DEFB118: variants seen among roughly 807,000 people sequenced by gnomAD.
DEFB118 encodes the protein defensin, beta 18.
A neutral mutation model predicts 2.8 loss-of-function variants in DEFB118; 3 were observed. The observed-to-expected ratio is 1.09, with a 90% CI of 0.50 to 2.82. The LOEUF is 2.82. Among genes scored for constraint, DEFB118 ranks in the 30% most tolerant of loss-of-function variants. The pLI is 0.04. For synonymous variants in DEFB118, 63 were observed against 53.5 expected (o/e 1.18, Z -0.78); for missense variants, 159 against 144.6 (o/e 1.10, Z -0.51).
intron 1 of DEFB118, among the ~76,000 whole-genome samples, chr20:31,371,325 C>G (rs934872897): frequency 7.2e-5 from 11 of 152,116 alleles, no homozygotes; most frequent in Non-Finnish European, 1.5e-4. Flanking sequence ...CACTATTTCC[C>G]TTCTAATCAC....
Position 31,373,276 on chromosome 20 carries a change from T to G in DEFB118, c.*106T>G. The G allele has an allele frequency of 2.1e-6, 2 of 972,466 alleles. No homozygotes were observed. Among genetic ancestry groups the G allele is most frequent in the Admixed American group, 2.8e-5 (1 of 36,064 alleles). The allele number at this position is 972,466 out of a possible 1,614,324, so 60.2% of individuals were successfully genotyped here. A position where few individuals can be genotyped will look rare whatever the true frequency, so the allele number is the denominator to read the frequency against. The stretch of plus-strand genomic sequence containing the variant: ...GTGACCCTCCCACCCCCCACCAATA[T>G]GTAATTCTATTAATAGAAACAGCTG... On this transcript the variant is annotated 3_prime_UTR_variant, in exon 2 of 2. Transcript: ENST00000253381.
In DEFB118 at chr20:31,372,747, A is replaced by G. The variant is rs1403860028; in HGVS notation, c.59-110A>G. 14 of 834,836 alleles carry G rather than the reference A, an allele frequency of 1.7e-5. No individual in the cohort carries two copies. The East Asian group carries it at 3.7e-4, about 22-fold the overall frequency. The allele number at this position is 834,836 out of a possible 1,614,324, so 51.7% of individuals were successfully genotyped here. A position where few individuals can be genotyped will look rare whatever the true frequency, so the allele number is the denominator to read the frequency against. ...CTGAGGTGGGAGTCTTGCAGCTGTC[A>G]TCTAATTATGATCCACAGTGTGGAT... On this transcript the variant is annotated intron_variant, in intron 1 of 1. Coordinates refer to ENST00000253381, the MANE Select transcript of DEFB118 (RefSeq NM_054112.3).
In DEFB118 at chr20:31,373,405, AT is replaced by A. The variant is rs1305724871; in HGVS notation, c.*238del. The A allele has an allele frequency of 2.1e-5, 11 of 530,104 alleles. No individual in the cohort carries two copies. The highest frequency in any genetic ancestry group is 1.9e-5 in the African/African-American group (1 of 53,072). The allele number at this position is 530,104 out of a possible 1,614,324, so 32.8% of individuals were successfully genotyped here. A position where few individuals can be genotyped will look rare whatever the true frequency, so the allele number is the denominator to read the frequency against. On this transcript the variant is annotated 3_prime_UTR_variant, in exon 2 of 2. Transcript: ENST00000253381. ...CAACAAGTTATAACCTATTTTTAGT[AT>A]TTCTTGTTTGCTAGTGACCTATGCA... is the stretch of plus-strand genomic sequence containing the variant.
Position 31,369,056 on chromosome 20 carries a change from C to T in DEFB118, c.58+348C>T, listed in dbSNP as rs1217615564. The stretch of plus-strand genomic sequence containing the variant: ...CTTGGCCCTAAAAGTCCTGCTATAG[C>T]TATAATGAGGTTCTTTTTGTTTTCT... On this transcript the variant is annotated intron_variant, in intron 1 of 1. Transcript: ENST00000253381. Among the ~76,000 whole-genome samples the T allele has an allele frequency of 3.3e-5, 5 of 152,316 alleles. No homozygotes were observed. In the South Asian group the frequency reaches 1.0e-3, roughly 32 times the overall value.
In DEFB118 at chr20:31,373,297, A is replaced by C. The variant is rs1280538660; in HGVS notation, c.*127A>C. ...AATATGTAATTCTATTAATAGAAACAGCTGTGTAAAGAAGTCTAAAATTTT... is the reference window on the plus strand; with the variant it reads ...AATATGTAATTCTATTAATAGAAACCGCTGTGTAAAGAAGTCTAAAATTTT... On this transcript the variant is annotated 3_prime_UTR_variant, in exon 2 of 2. Transcript: ENST00000253381. The C allele has an allele frequency of 2.4e-6, 2 of 826,146 alleles. No homozygotes were observed. The highest frequency in any genetic ancestry group is 3.5e-5 in the African/African-American group (2 of 57,942). The allele number at this position is 826,146 out of a possible 1,614,324, so 51.2% of individuals were successfully genotyped here. A position where few individuals can be genotyped will look rare whatever the true frequency, so the allele number is the denominator to read the frequency against.
Position 31,373,261 on chromosome 20 carries a change from C to A in DEFB118, c.*91C>A, listed in dbSNP as rs992204363. On this transcript the variant is annotated 3_prime_UTR_variant, in exon 2 of 2. Transcript: ENST00000253381. ...ACTGAAAACACCACAGTGACCCTCC[C>A]ACCCCCCACCAATATGTAATTCTAT... 1.6e-5 allele frequency: 18 copies of A among 1,108,034 alleles called. No individual in the cohort carries two copies. Among genetic ancestry groups the A allele is most frequent in the African/African-American group, 1.4e-4 (9 of 63,804 alleles). 68.6% of individuals were successfully genotyped at this position (1,108,034 alleles called of 1,614,324 possible).
chr20:31,373,477 G>T lies in DEFB118; in HGVS notation c.*307G>T, dbSNP rs758742517. On this transcript the variant is annotated 3_prime_UTR_variant, in exon 2 of 2. Transcript: ENST00000253381. ...GCTATTCCAACAACAATTTCTTCAT[G>T]TATCGTTCTGTCTTCTCAACAGCTG... is the stretch of plus-strand genomic sequence containing the variant. 6 of 338,148 alleles carry T rather than the reference G, an allele frequency of 1.8e-5. No homozygotes were observed. The highest frequency in any genetic ancestry group is 3.2e-5 in the Non-Finnish European group (6 of 184,646). The allele number at this position is 338,148 out of a possible 1,614,324, so 20.9% of individuals were successfully genotyped here. A position where few individuals can be genotyped will look rare whatever the true frequency, so the allele number is the denominator to read the frequency against.
In DEFB118 at chr20:31,373,826, C is replaced by T. The variant is rs1317647205; in HGVS notation, c.*656C>T. The T allele has an allele frequency of 6.6e-6, 1 of 151,494 alleles. No homozygotes were observed. Among genetic ancestry groups the T allele is most frequent in the African/African-American group, 2.4e-5 (1 of 41,180 alleles). 9.4% of individuals were successfully genotyped at this position (151,494 alleles called of 1,614,324 possible). A position where few individuals can be genotyped will look rare whatever the true frequency, so the allele number is the denominator to read the frequency against. ...TGGACATCCAAGGGTAATCATGGAC[C>T]CCCAATTGTGGGTGAAAGGATGGAT... On this transcript the variant is annotated 3_prime_UTR_variant, in exon 2 of 2. Coordinates refer to ENST00000253381, the MANE Select transcript of DEFB118 (RefSeq NM_054112.3).
At position 31,372,963 on chromosome 20, in the gene DEFB118, C is replaced by CAT; in HGVS notation, c.166_167dup (p.Pro57PhefsTer18). 6.2e-7 allele frequency: 1 copy of CAT among 1,614,184 alleles called. No homozygotes were observed. The highest frequency in any genetic ancestry group is 1.7e-5 in the Admixed American group (1 of 60,024). On this transcript the variant is annotated frameshift_variant, in exon 2 of 2. Coordinates refer to ENST00000253381, the MANE Select transcript of DEFB118 (RefSeq NM_054112.3). LOFTEE classifies it low-confidence loss of function (END_TRUNC). The stretch of plus-strand genomic sequence containing the variant: ...CATGCAAAAATCTTCGAGCTTGCTG[C>CAT]ATTCCATCCAATGAAGACCACAGGC...
chr20:31,372,878 G>T lies in DEFB118; in HGVS notation c.80G>T (p.Cys27Phe). 1 of 1,614,000 alleles carries T rather than the reference G, an allele frequency of 6.2e-7. No homozygotes were observed. Among genetic ancestry groups the T allele is most frequent in the Non-Finnish European group, 8.5e-7 (1 of 1,179,930 alleles). ...TCAGCCTATAGTGGTGAAAAAAAAT[G>T]CTGGAACAGATCAGGGCACTGCAGG... ...VIPAYSGEKK[C>F]WNRSGHCRKQ... The change falls in exon 2 of 2, where the codon TGC becomes TTC. Residue 27 changes from cysteine (C) to phenylalanine (F), a missense_variant. Coordinates refer to ENST00000253381, the MANE Select transcript of DEFB118 (RefSeq NM_054112.3).
chr20:31,371,867 A>G (rs762986276), intron 1 of DEFB118, among the ~76,000 whole-genome samples: 3 of 151,476 alleles, frequency 2.0e-5, no homozygotes, highest in South Asian at 2.1e-4. Flanking sequence ...TGAGTCTCCA[A>G]TGTCCATTAT....
In DEFB118 at chr20:31,373,182, C is replaced by G. The variant is rs1986246955; in HGVS notation, c.*12C>G. On this transcript the variant is annotated 3_prime_UTR_variant, in exon 2 of 2. Coordinates refer to ENST00000253381, the MANE Select transcript of DEFB118 (RefSeq NM_054112.3). ...ACCATAGCTCATGACTTCCTCTCGG[C>G]TATCACTCACCCCTGTCCTCAGAGT... 3 of 1,608,538 alleles carry G rather than the reference C, an allele frequency of 1.9e-6. No homozygotes were observed. Among genetic ancestry groups the G allele is most frequent in the Non-Finnish European group, 1.7e-6 (2 of 1,177,270 alleles).
At chr20:31,371,739 T>C (rs961195813) in intron 1 of DEFB118, among the ~76,000 whole-genome samples, 3 of 152,238 alleles carry the variant, frequency 2.0e-5, no homozygotes, top group East Asian at 1.9e-4. Flanking sequence ...TTTGGTTACA[T>C]GGATGAATTG....
intron 1 of DEFB118, among the ~76,000 whole-genome samples, chr20:31,370,053 A>G (rs1005444631): frequency 1.3e-5 from 2 of 152,116 alleles, no homozygotes; most frequent in African/African-American, 4.8e-5. Flanking sequence ...ACTCTTGTTC[A>G]GACTCCCACT....
At chr20:31,368,795 C>A in intron 1 of DEFB118, 87 bp downstream of exon 1, 1 of 1,286,076 alleles carries the variant, frequency 7.8e-7, no homozygotes, top group Non-Finnish European at 1.1e-6. Context: ...TACTCCCCAA[C>A]ATGGGCAGCT....
chr20:31,368,729 A>G (rs1458779049), intron 1 of DEFB118, 21 bp downstream of exon 1: 4 of 1,610,832 alleles, frequency 2.5e-6, no homozygotes, highest in African/African-American at 2.7e-5. Flanking sequence ...GTCAGGGAAG[A>G]TACAAAAATA....
rs1219567671 is a variant in DEFB118, at chr20:31,372,913, A to C, written c.115A>C (p.Lys39Gln). Residue 39 changes from lysine to glutamine, a missense_variant, in exon 2 of 2, where the codon AAA becomes CAA. Transcript: ENST00000253381. Reference protein sequence around the residue: ...NRSGHCRKQCKDGEAVKDTCK... With the variant: ...NRSGHCRKQCQDGEAVKDTCK... ...ATCAGGGCACTGCAGGAAACAATGC[A>C]AAGATGGAGAAGCAGTGAAAGATAC... is the stretch of plus-strand genomic sequence containing the variant. The C allele has an allele frequency of 3.7e-6, 6 of 1,614,108 alleles. No homozygotes were observed. The highest frequency in any genetic ancestry group is 1.3e-5 in the African/African-American group (1 of 74,940).
chr20:31,371,491 G>C (rs1336512131), intron 1 of DEFB118, among the ~76,000 whole-genome samples: 2 of 136,132 alleles, frequency 1.5e-5, no homozygotes, highest in African/African-American at 5.4e-5. Flanking sequence ...TTTCTTTTTT[G>C]AGACAGTCTC....
rs2122273742 is a variant in DEFB118, at chr20:31,373,113, G to A, written c.315G>A (p.Glu105=). ...GCAGCAAGAAAGATATGGTTGAAGA[G>A]TCTGAGGCGGGAAGGGGAACTGAGA... ...EVSSKKDMVE[E]SEAGRGTETS... is the part of the protein sequence containing the mutation. Residue 105 remains glutamate (E), a synonymous_variant, in exon 2 of 2, where the codon GAG becomes GAA. Transcript: ENST00000253381. 1 of 1,614,142 alleles carries A rather than the reference G, an allele frequency of 6.2e-7. No homozygotes were observed. Among genetic ancestry groups the A allele is most frequent in the Non-Finnish European group, 8.5e-7 (1 of 1,180,034 alleles).
Sources: gnomAD v4.1 joint callset for allele counts (sites outside exome capture counted in the v4.1 genomes callset) on GRCh38, gnomAD v4.1.1 for gene constraint, MANE v1.5 for transcripts, NCBI Gene and HGNC (gene_info 2026-07-23, HGNC 2026-07-21) for gene names.